Variants in NUFIP2 observed in about 807,000 individuals in gnomAD.
NUFIP2 encodes the protein FMR1-interacting protein NUFIP2.
In NUFIP2, 6 loss-of-function variants were observed where a neutral mutation model predicts 56.9. The ratio of observed to expected loss-of-function variants is 0.11; its 90% CI spans 0.06 to 0.21. NUFIP2 has a LOEUF of 0.21. Among genes scored for constraint, NUFIP2 ranks in the 10% least tolerant of loss-of-function variants. NUFIP2 has a pLI of 1.00. For missense variants in NUFIP2, 828 were observed against 826.8 expected (o/e 1.00, Z -0.02); for synonymous variants, 321 against 298.2 (o/e 1.08, Z -0.79).
At chr17:29,268,697 A>G (rs1283208263) in intron 2 of NUFIP2, among the ~76,000 whole-genome samples, 4 of 151,416 alleles carry the variant, frequency 2.6e-5, no homozygotes, top group Non-Finnish European at 4.4e-5. Flanking sequence ...TTGTATATAT[A>G]TATTTTTTTT....
At position 29,258,871 on chromosome 17, in the gene NUFIP2, GAC is replaced by G. The variant is rs896666749; in HGVS notation, c.*5666_*5667del. Reference sequence around the variant, plus strand: ...TCTCATAGCAGCAGGATTAATCTAAGACAGAAAACAGTTGTATTTTCATTCTT... The same window carrying G: ...TCTCATAGCAGCAGGATTAATCTAAGAGAAAACAGTTGTATTTTCATTCTT... On this transcript the variant is annotated 3_prime_UTR_variant, in exon 4 of 4. Transcript: ENST00000225388. The G allele has an allele frequency of 6.6e-6, 1 of 152,114 alleles. No individual in the cohort carries two copies. The highest frequency in any genetic ancestry group is 2.4e-5 in the African/African-American group (1 of 41,442). 9.4% of individuals were successfully genotyped at this position (152,114 alleles called of 1,614,324 possible). A position where few individuals can be genotyped will look rare whatever the true frequency, so the allele number is the denominator to read the frequency against.
chr17:29,262,747 A>G lies in NUFIP2; in HGVS notation c.*1792T>C, dbSNP rs1306107128. 6.9e-6 allele frequency: 1 copy of G among 145,800 alleles called. No homozygotes were observed. The highest frequency in any genetic ancestry group is 1.5e-5 in the Non-Finnish European group (1 of 66,430). The allele number at this position is 145,800 out of a possible 1,614,324, so 9.0% of individuals were successfully genotyped here. On this transcript the variant is annotated 3_prime_UTR_variant, in exon 4 of 4. Coordinates refer to ENST00000225388, the MANE Select transcript of NUFIP2 (RefSeq NM_020772.3). ...AGTTATTTTATATATATATATATAT[A>G]TTATGTATAAAAAAAAGTTTTGTTT...
intron 2 of NUFIP2, among the ~76,000 whole-genome samples, chr17:29,268,743 G>C (rs2069054020): frequency 6.6e-6 from 1 of 151,746 alleles, no homozygotes; most frequent in African/African-American, 2.4e-5. Flanking sequence ...TTGTGAGGCT[G>C]GTCTTGAACT....
At chr17:29,271,142 C>T (rs2069069730) in intron 2 of NUFIP2, among the ~76,000 whole-genome samples, 1 of 152,120 alleles carries the variant, frequency 6.6e-6, no homozygotes. Flanking sequence ...AATGTGAGCT[C>T]TAGAGTAGTG....
intron 2 of NUFIP2, among the ~76,000 whole-genome samples, chr17:29,280,621 G>A (rs1168451282): frequency 1.3e-5 from 2 of 151,926 alleles, no homozygotes; most frequent in African/African-American, 2.4e-5. Context: ...AGGAGTTCAA[G>A]GGTGCAGTGA....
intron 1 of NUFIP2, among the ~76,000 whole-genome samples, chr17:29,292,071 A>G (rs1187100989): frequency 6.6e-6 from 1 of 152,216 alleles, no homozygotes; most frequent in Non-Finnish European, 1.5e-5. Context: ...CGTGGGTTAT[A>G]AACTATTAAA....
In NUFIP2 at chr17:29,261,954, T is replaced by C. The variant is rs957011623; in HGVS notation, c.*2585A>G. 4.1e-5 allele frequency: 6 copies of C among 145,996 alleles called. No homozygotes were observed. In the Admixed American group the frequency reaches 4.2e-4, roughly 10 times the overall value. 9.0% of individuals were successfully genotyped at this position (145,996 alleles called of 1,614,324 possible). Reference sequence around the variant, plus strand: ...TAGAAGTGAGACTCTCAAAAACCTTTGGACAGACAGAGAAGTGATACATTC... The same window carrying C: ...TAGAAGTGAGACTCTCAAAAACCTTCGGACAGACAGAGAAGTGATACATTC... On this transcript the variant is annotated 3_prime_UTR_variant, in exon 4 of 4. Coordinates refer to ENST00000225388, the MANE Select transcript of NUFIP2 (RefSeq NM_020772.3).
In NUFIP2 at chr17:29,287,280, ATTAAGG is replaced by A; in HGVS notation, c.708_713del (p.Leu237_Asn238del). On this transcript the variant is annotated inframe_deletion, in exon 2 of 4. Coordinates refer to ENST00000225388, the MANE Select transcript of NUFIP2 (RefSeq NM_020772.3). ...GTTGCATTATTTTGTCCTGCACTAT[ATTAAGG>A]TTTTCACAACCCTTGGCACTATTGC... is the stretch of plus-strand genomic sequence containing the variant. 6.2e-7 allele frequency: 1 copy of A among 1,614,178 alleles called. No homozygotes were observed. Among genetic ancestry groups the A allele is most frequent in the Non-Finnish European group, 8.5e-7 (1 of 1,180,036 alleles).
At chr17:29,264,663 C>G (rs1042207166) in intron 3 of NUFIP2, 72 bp from the exon 4 acceptor site, 13 of 991,404 alleles carry the variant, frequency 1.3e-5, no homozygotes, top group Non-Finnish European at 1.7e-5. Context: ...ATAACAATCC[C>G]AAATAACCAT....
chr17:29,284,456 A>G (rs565576394), intron 2 of NUFIP2, among the ~76,000 whole-genome samples: 11 of 152,342 alleles, frequency 7.2e-5, no homozygotes, highest in Admixed American at 5.2e-4. Flanking sequence ...CTGTAATCCC[A>G]GCACTTTGGG....
In NUFIP2 at chr17:29,261,381, C is replaced by A. The variant is rs2056678617; in HGVS notation, c.*3158G>T. 1 of 150,426 alleles carries A rather than the reference C, an allele frequency of 6.6e-6. No homozygotes were observed. Among genetic ancestry groups the A allele is most frequent in the Admixed American group, 6.6e-5 (1 of 15,114 alleles). The allele number at this position is 150,426 out of a possible 1,614,324, so 9.3% of individuals were successfully genotyped here. A position where few individuals can be genotyped will look rare whatever the true frequency, so the allele number is the denominator to read the frequency against. On this transcript the variant is annotated 3_prime_UTR_variant, in exon 4 of 4. Transcript: ENST00000225388. The stretch of plus-strand genomic sequence containing the variant: ...ATTTACTAATTTTTAATATCTCCAT[C>A]TTTTCCTCACACACACATACATACA...
intron 1 of NUFIP2, 122 bp downstream of exon 1, chr17:29,293,661 G>T: frequency 9.3e-7 from 1 of 1,071,288 alleles, no homozygotes; most frequent in Non-Finnish European, 1.3e-6. Flanking sequence ...CATCCCCAGA[G>T]CCGGAGGGGA....
chr17:29,270,437 G>A (rs1035909822), intron 2 of NUFIP2, among the ~76,000 whole-genome samples: 3 of 151,102 alleles, frequency 2.0e-5, no homozygotes, highest in Non-Finnish European at 4.4e-5. Flanking sequence ...ACAGTTAAAT[G>A]TTCTTTATTA....
intron 1 of NUFIP2, among the ~76,000 whole-genome samples, chr17:29,291,624 G>A (rs115890081): frequency 2.7e-3 from 413 of 152,324 alleles, no homozygotes; most frequent in African/African-American, 9.4e-3. Flanking sequence ...GCTTCCACAT[G>A]TAGAGAGAAG....
chr17:29,280,555 G>A (rs981251550), intron 2 of NUFIP2, among the ~76,000 whole-genome samples: 2 of 152,010 alleles, frequency 1.3e-5, no homozygotes, highest in Non-Finnish European at 2.9e-5. Flanking sequence ...GGGTGGTAGC[G>A]CAAACCTATG....
At chr17:29,285,238 T>G (rs2069165587) in intron 2 of NUFIP2, among the ~76,000 whole-genome samples, 1 of 151,720 alleles carries the variant, frequency 6.6e-6, no homozygotes, top group Admixed American at 6.6e-5. Flanking sequence ...AGGCGGAGGT[T>G]GCAGTGAGCC....
At chr17:29,270,263 G>T (rs1228684070) in intron 2 of NUFIP2, among the ~76,000 whole-genome samples, 1 of 140,132 alleles carries the variant, frequency 7.1e-6, no homozygotes, top group Non-Finnish European at 1.5e-5. Context: ...AGAAAGGCAG[G>T]AAAATTCCCT....
chr17:29,290,009 C>T (rs1369949711), intron 1 of NUFIP2, among the ~76,000 whole-genome samples: 1 of 152,056 alleles, frequency 6.6e-6, no homozygotes, highest in South Asian at 2.1e-4. Context: ...CCACAACCTC[C>T]GCCTCCCAGA....
rs1395218853 is a variant in NUFIP2 at position 29,259,160 on chromosome 17, A to G, written c.*5379T>C. 2 of 152,232 alleles carry G rather than the reference A, an allele frequency of 1.3e-5. No individual in the cohort carries two copies. The highest frequency in any genetic ancestry group is 4.8e-5 in the African/African-American group (2 of 41,462). 9.4% of individuals were successfully genotyped at this position (152,232 alleles called of 1,614,324 possible). ...TTAGCACCTGAGGAAAAAAGGGTAC[A>G]TGGAAAGCTATGTAATTTGCCCTCA... is the stretch of plus-strand genomic sequence containing the variant. On this transcript the variant is annotated 3_prime_UTR_variant, in exon 4 of 4. Transcript: ENST00000225388.
Sources: allele counts gnomAD v4.1 joint callset (sites outside exome capture counted in the v4.1 genomes callset), GRCh38; gene constraint gnomAD v4.1.1; transcripts MANE v1.5; gene names NCBI Gene and HGNC (gene_info 2026-07-23, HGNC 2026-07-21).